DLG2: variants seen among roughly 807,000 people sequenced by gnomAD.
DLG2 encodes discs large MAGUK scaffold protein 2.
A neutral mutation model predicts 132.5 loss-of-function variants in DLG2; 45 were observed. The observed-to-expected ratio is 0.34, with a 90% CI of 0.27 to 0.44. The LOEUF (loss-of-function observed/expected upper bound fraction) is 0.44. Ranked by LOEUF, DLG2 falls within the 20% of genes least tolerant of loss-of-function variation. The probability of loss-of-function intolerance (pLI) is 1.00; values close to 1 mark genes in which losing one functional copy is unlikely to be tolerated. For synonymous variants in DLG2, 424 were observed against 419.6 expected, an observed-to-expected ratio of 1.01 and a Z score of -0.13; for missense variants, 1,045 against 1,196.9, an observed-to-expected ratio of 0.87 and a Z score of 1.87.
At chr11:85,617,795 G>C (rs937348287) in intron 2 of DLG2, among the ~76,000 whole-genome samples, 2 of 152,112 alleles carry the variant, frequency 1.3e-5, no homozygotes, top group Non-Finnish European at 2.9e-5. Flanking sequence ...AGATGTCACA[G>C]TCCTTCAAAA....
intron 6 of DLG2, among the ~76,000 whole-genome samples, chr11:84,859,684 T>C (rs1050989411): frequency 1.3e-5 from 2 of 151,932 alleles, no homozygotes; most frequent in Non-Finnish European, 2.9e-5. Context: ...TCCTTTTATC[T>C]TTCCATTCTA....
intron 6 of DLG2, among the ~76,000 whole-genome samples, chr11:84,782,067 A>G (rs1055000826): frequency 6.6e-6 from 1 of 152,094 alleles, no homozygotes; most frequent in African/African-American, 2.4e-5. Flanking sequence ...TATCAGTATG[A>G]TTCTTGGAAA....
At chr11:85,173,083 C>A (rs1321341938) in intron 4 of DLG2, among the ~76,000 whole-genome samples, 1 of 152,100 alleles carries the variant, frequency 6.6e-6, no homozygotes, top group African/African-American at 2.4e-5. Flanking sequence ...CCTAACCTAG[C>A]AAATCGGGCC....
intron 6 of DLG2, among the ~76,000 whole-genome samples, chr11:84,695,235 G>A (rs2058500027): frequency 6.6e-6 from 1 of 151,486 alleles, no homozygotes; most frequent in Admixed American, 6.6e-5. Context: ...AGAGAAAAGT[G>A]AATTCATAGA....
At chr11:84,513,097 T>A (rs1345545553) in intron 7 of DLG2, among the ~76,000 whole-genome samples, 1 of 152,078 alleles carries the variant, frequency 6.6e-6, no homozygotes, top group Non-Finnish European at 1.5e-5. Context: ...GGCACATGTA[T>A]ACCTGCACAA....
At chr11:85,272,404 T>A (rs1447924420) in intron 4 of DLG2, among the ~76,000 whole-genome samples, 1 of 152,210 alleles carries the variant, frequency 6.6e-6, no homozygotes, top group Non-Finnish European at 1.5e-5. Context: ...CTTGCAATTG[T>A]GGAGACTGAT....
intron 17 of DLG2, among the ~76,000 whole-genome samples, chr11:83,787,711 G>A (rs1301894072): frequency 1.3e-5 from 2 of 152,278 alleles, no homozygotes; most frequent in South Asian, 2.1e-4. Flanking sequence ...AGTGCCTGGA[G>A]TTTATTTAGC....
intron 11 of DLG2, among the ~76,000 whole-genome samples, chr11:84,003,091 G>A (rs1342298306): frequency 6.6e-6 from 1 of 152,008 alleles, no homozygotes. Flanking sequence ...CTAGGGCAGG[G>A]GCAAAATGCC....
intron 21 of DLG2, among the ~76,000 whole-genome samples, chr11:83,506,064 C>T (rs759496593): frequency 3.4e-4 from 52 of 152,308 alleles, no homozygotes; most frequent in Admixed American, 9.1e-4. Context: ...CTGCTGTGCA[C>T]GGCCCACTCT....
At chr11:84,952,461 G>C (rs2051076287) in intron 6 of DLG2, among the ~76,000 whole-genome samples, 1 of 152,048 alleles carries the variant, frequency 6.6e-6, no homozygotes, top group African/African-American at 2.4e-5. Context: ...AGCTTGCAGT[G>C]AGCGGAGATC....
At chr11:84,260,401 C>T (rs188379509) in intron 7 of DLG2, among the ~76,000 whole-genome samples, 181 of 152,260 alleles carry the variant, frequency 1.2e-3, no homozygotes, top group African/African-American at 4.2e-3. Context: ...TCGCCATATA[C>T]GTACTTACAC....
chr11:85,378,840 G>T (rs1427238565), intron 3 of DLG2, among the ~76,000 whole-genome samples: 1 of 152,026 alleles, frequency 6.6e-6, no homozygotes, highest in Non-Finnish European at 1.5e-5. Flanking sequence ...CATAACAAAA[G>T]TTTGAATACA....
At chr11:84,348,197 T>C (rs758725643) in intron 7 of DLG2, among the ~76,000 whole-genome samples, 1 of 152,214 alleles carries the variant, frequency 6.6e-6, no homozygotes, top group Non-Finnish European at 1.5e-5. Context: ...AGGTAAATAA[T>C]TTATTTAGCA....
intron 3 of DLG2, among the ~76,000 whole-genome samples, chr11:85,348,109 T>C (rs961928051): frequency 2.7e-5 from 4 of 149,458 alleles, no homozygotes; most frequent in Non-Finnish European, 5.9e-5. Flanking sequence ...CCTCAGCCTC[T>C]CAAATAGCTG....
intron 16 of DLG2, among the ~76,000 whole-genome samples, chr11:83,838,828 A>G (rs866168272): frequency 1.3e-5 from 2 of 151,988 alleles, no homozygotes; most frequent in African/African-American, 4.8e-5. Flanking sequence ...CACTTCTTAT[A>G]AAATTAAGAG....
intron 7 of DLG2, among the ~76,000 whole-genome samples, chr11:84,271,518 T>C (rs2097722109): frequency 6.6e-6 from 1 of 152,124 alleles, no homozygotes; most frequent in Admixed American, 6.6e-5. Flanking sequence ...TAGAAATAAT[T>C]TTATGAGATC....
intron 3 of DLG2, among the ~76,000 whole-genome samples, chr11:85,356,793 T>C (rs967735113): frequency 1.4e-5 from 2 of 145,604 alleles, no homozygotes; most frequent in Admixed American, 6.7e-5. Flanking sequence ...GATAGATAGA[T>C]AGATAGATAG....
chr11:83,712,319 C>A (rs1592917810), intron 18 of DLG2, among the ~76,000 whole-genome samples: 1 of 152,046 alleles, frequency 6.6e-6, no homozygotes, highest in Non-Finnish European at 1.5e-5. Flanking sequence ...CCACGGAATA[C>A]CATGCAGTCA....
chr11:83,501,124 A>G (rs532844605), intron 21 of DLG2, among the ~76,000 whole-genome samples: 12 of 152,202 alleles, frequency 7.9e-5, no homozygotes, highest in Non-Finnish European at 1.8e-4. Context: ...TATGTTAGAT[A>G]GAGAAATGGG....
Sources: gnomAD v4.1 joint callset for allele counts (sites outside exome capture counted in the v4.1 genomes callset) on GRCh38, gnomAD v4.1.1 for gene constraint, MANE v1.5 for transcripts, NCBI Gene and HGNC (gene_info 2026-07-23, HGNC 2026-07-21) for gene names.